Variants in NKX6-1 observed in about 807,000 individuals in gnomAD.
NKX6-1 encodes homeobox protein Nkx-6.1.
NKX6-1 carries 11 observed loss-of-function variants against 24.9 expected under a neutral mutation model. The observed-to-expected ratio is 0.44, with a 90% CI of 0.28 to 0.73. The LOEUF (loss-of-function observed/expected upper bound fraction) is 0.73, where lower values mean the gene tolerates loss of function less well. NKX6-1 is among the 30% of genes least tolerant of loss of function. The probability of loss-of-function intolerance (pLI) is 0.15; values close to 1 mark genes in which losing one functional copy is unlikely to be tolerated. For missense variants in NKX6-1, 487 were observed against 502.9 expected (o/e 0.97, Z 0.30); for synonymous variants, 277 against 242.9 (o/e 1.14, Z -1.31).
In NKX6-1 at chr4:84,493,607, A is replaced by C; in HGVS notation, c.844-58T>G. 1 of 1,590,786 alleles carries C rather than the reference A, an allele frequency of 6.3e-7. No homozygotes were observed. Among genetic ancestry groups the C allele is most frequent in the Non-Finnish European group, 8.6e-7 (1 of 1,165,264 alleles). On this transcript the variant is annotated intron_variant, in intron 2 of 2. Coordinates refer to ENST00000295886, the MANE Select transcript of NKX6-1 (RefSeq NM_006168.3). This position sits in a 1 kb window ranked among gnomAD's most constrained non-coding sequence, Gnocchi z 5.1. Reference sequence around the variant, plus strand: ...CAAGGGCGAGGAATTAAACGAGCAGATCCAGGCCATGCTACCACTCCCGCA... The same window carrying C: ...CAAGGGCGAGGAATTAAACGAGCAGCTCCAGGCCATGCTACCACTCCCGCA...
chr4:84,497,683 C>G lies in NKX6-1; in HGVS notation c.546G>C (p.Ala182=). ...PPGLYFSPSA[A]AVAAVGRYPK... is the part of the protein sequence containing the mutation. ...GGTACCGGCCCACGGCGGCCACGGC[C>G]GCGGCGCTGGGGCTGAAGTAGAGCC... Residue 182 remains alanine (A), a synonymous_variant, in exon 1 of 3, where the codon GCG becomes GCC. Transcript: ENST00000295886. The surrounding 1 kb of genome is among the most constrained non-coding windows in gnomAD (Gnocchi z 4.8). 1 of 1,271,624 alleles carries G rather than the reference C, an allele frequency of 7.9e-7. No individual in the cohort carries two copies. Among genetic ancestry groups the G allele is most frequent in the Non-Finnish European group, 1.0e-6 (1 of 1,004,896 alleles). The allele number at this position is 1,271,624 out of a possible 1,614,324, so 78.8% of individuals were successfully genotyped here. A position where few individuals can be genotyped will look rare whatever the true frequency, so the allele number is the denominator to read the frequency against.
rs1292084503 is a variant in NKX6-1, at chr4:84,493,858, G to C, written c.844-309C>G. 6.6e-6 allele frequency among the ~76,000 whole-genome samples: 1 copy of C among 152,176 alleles called. No individual in the cohort carries two copies. Among genetic ancestry groups the C allele is most frequent in the Admixed American group, 6.5e-5 (1 of 15,286 alleles). ...AAAACTCGGAAACTTAAAAATGAGC[G>C]TCCCTAAAAGTGAGTTCACTTTCCT... On this transcript the variant is annotated intron_variant, in intron 2 of 2. Coordinates refer to ENST00000295886, the MANE Select transcript of NKX6-1 (RefSeq NM_006168.3). This position sits in a 1 kb window ranked among gnomAD's most constrained non-coding sequence, Gnocchi z 5.1.
intron 1 of NKX6-1, chr4:84,496,853 GC>G: frequency 6.5e-6 from 1 of 152,786 alleles, no homozygotes; most frequent in Non-Finnish European, 1.5e-5. Context: ...GCGTGTGCCA[GC>G]CCCCAGAGTG....
chr4:84,493,239 G>A lies in NKX6-1; in HGVS notation c.*50C>T. On this transcript the variant is annotated 3_prime_UTR_variant, in exon 3 of 3. Transcript: ENST00000295886. This position sits in a 1 kb window ranked among gnomAD's most constrained non-coding sequence, Gnocchi z 5.1. ...TGCACGCGGTCCCCGCGCCCCTCGC[G>A]GCCCCAGAGGTGGAGGCCGGAGCCG... is the stretch of plus-strand genomic sequence containing the variant. The A allele has an allele frequency of 1.4e-6, 2 of 1,442,106 alleles. No homozygotes were observed. The highest frequency in any genetic ancestry group is 1.5e-5 in the African/African-American group (1 of 67,496). The allele number at this position is 1,442,106 out of a possible 1,614,324, so 89.3% of individuals were successfully genotyped here.
rs750917411 is a variant in NKX6-1, at chr4:84,498,246, G to T, written c.-18C>A. The T allele has an allele frequency of 1.5e-6, 2 of 1,293,732 alleles. No individual in the cohort carries two copies. The highest frequency in any genetic ancestry group is 3.1e-5 in the Admixed American group (1 of 32,626). 80.1% of individuals were successfully genotyped at this position (1,293,732 alleles called of 1,614,324 possible). On this transcript the variant is annotated 5_prime_UTR_variant, in exon 1 of 3. Coordinates refer to ENST00000295886, the MANE Select transcript of NKX6-1 (RefSeq NM_006168.3). ...GCTAACATCCCACGGCCACGCCGGA[G>T]ACCGTAGCCTTGCAGCGAGGGCGCT... is the stretch of plus-strand genomic sequence containing the variant.
At chr4:84,494,358 T>C (rs897310227) in intron 2 of NKX6-1, among the ~76,000 whole-genome samples, 1 of 152,224 alleles carries the variant, frequency 6.6e-6, no homozygotes, top group African/African-American at 2.4e-5. Flanking sequence ...TTTAACTGTG[T>C]TCCTGCTCAA....
rs1720836536 is a variant in NKX6-1, at chr4:84,497,171, C to T, written c.670+388G>A. Among the ~76,000 whole-genome samples, 1 of 152,058 alleles carries T rather than the reference C, an allele frequency of 6.6e-6. No homozygotes were observed. The highest frequency in any genetic ancestry group is 2.4e-5 in the African/African-American group (1 of 41,408). On this transcript the variant is annotated intron_variant, in intron 1 of 2. Coordinates refer to ENST00000295886, the MANE Select transcript of NKX6-1 (RefSeq NM_006168.3). This position sits in a 1 kb window ranked among gnomAD's most constrained non-coding sequence, Gnocchi z 4.8. Reference sequence around the variant, plus strand: ...AGCCGGGAAAGCAGAGATGCAGTGGCCTCTCCTCCCCTCTCCTCCCCATCT... The same window carrying T: ...AGCCGGGAAAGCAGAGATGCAGTGGTCTCTCCTCCCCTCTCCTCCCCATCT...
rs1027811910 is a variant in NKX6-1 at position 84,498,675 on chromosome 4, G to A, written c.-447C>T. 8.4e-4 allele frequency among the ~76,000 whole-genome samples: 128 copies of A among 152,340 alleles called. No individual in the cohort carries two copies. Among genetic ancestry groups the A allele is most frequent in the Middle Eastern group, 6.8e-3 (2 of 294 alleles). On this transcript the variant is annotated 5_prime_UTR_variant, in exon 1 of 3. Coordinates refer to ENST00000295886, the MANE Select transcript of NKX6-1 (RefSeq NM_006168.3). ...CACTTTGAAGTTGGAGGGTGGGGGT[G>A]GCTTGCTTTCTTTGGGGAGGTTCAA...
In NKX6-1 at chr4:84,497,935, G is replaced by A; in HGVS notation, c.294C>T (p.Ile98=). 1 of 1,301,642 alleles carries A rather than the reference G, an allele frequency of 7.7e-7. No homozygotes were observed. 80.6% of individuals were successfully genotyped at this position (1,301,642 alleles called of 1,614,324 possible). The change falls in exon 1 of 3, where the codon ATC becomes ATT. Residue 98 remains isoleucine (I), a synonymous_variant. Coordinates refer to ENST00000295886, the MANE Select transcript of NKX6-1 (RefSeq NM_006168.3). The surrounding 1 kb of genome is among the most constrained non-coding windows in gnomAD (Gnocchi z 4.8). ...QQLSAATPHG[I]NDILSRPSMP... ...TGGAGGGCCGGCTCAGGATATCGTT[G>A]ATGCCGTGTGGGGTGGCGGCCGAGA...
Position 84,497,878 on chromosome 4 carries a change from G to T in NKX6-1, c.351C>A (p.Ser117=). ...AGGAGGAGGAACCGGAGGGCGAGGCGGAGGGCAGGGCGGCCCCCGAGGCCA... is the reference window on the plus strand; with the variant it reads ...AGGAGGAGGAACCGGAGGGCGAGGCTGAGGGCAGGGCGGCCCCCGAGGCCA... ...MPVASGAALP[S]ASPSGSSSSS... The change falls in exon 1 of 3, where the codon TCC becomes TCA. Residue 117 remains serine (S), a synonymous_variant. Transcript: ENST00000295886. The surrounding 1 kb of genome is among the most constrained non-coding windows in gnomAD (Gnocchi z 4.8). 7.8e-7 allele frequency: 1 copy of T among 1,279,518 alleles called. No homozygotes were observed. Among genetic ancestry groups the T allele is most frequent in the Admixed American group, 3.7e-5 (1 of 27,326 alleles). 79.3% of individuals were successfully genotyped at this position (1,279,518 alleles called of 1,614,324 possible).
Position 84,498,320 on chromosome 4 carries a change from C to G in NKX6-1, c.-92G>C, listed in dbSNP as rs1225480314. 1 of 1,249,722 alleles carries G rather than the reference C, an allele frequency of 8.0e-7. No homozygotes were observed. The highest frequency in any genetic ancestry group is 1.0e-6 in the Non-Finnish European group (1 of 995,294). The allele number at this position is 1,249,722 out of a possible 1,614,324, so 77.4% of individuals were successfully genotyped here. ...AGAGGAGCCGGAAGCGCCGAGGGCG[C>G]GAGCGGAGAGGCACTCGGCGCGCCC... On this transcript the variant is annotated 5_prime_UTR_variant, in exon 1 of 3. Coordinates refer to ENST00000295886, the MANE Select transcript of NKX6-1 (RefSeq NM_006168.3).
chr4:84,493,871 A>C lies in NKX6-1; in HGVS notation c.844-322T>G, dbSNP rs1334300675. On this transcript the variant is annotated intron_variant, in intron 2 of 2. Coordinates refer to ENST00000295886, the MANE Select transcript of NKX6-1 (RefSeq NM_006168.3). This position sits in a 1 kb window ranked among gnomAD's most constrained non-coding sequence, Gnocchi z 5.1. Reference sequence around the variant, plus strand: ...TTAAAAATGAGCGTCCCTAAAAGTGAGTTCACTTTCCTGCCTTCCAGTTTG... The same window carrying C: ...TTAAAAATGAGCGTCCCTAAAAGTGCGTTCACTTTCCTGCCTTCCAGTTTG... Among the ~76,000 whole-genome samples the C allele has an allele frequency of 6.6e-6, 1 of 152,340 alleles. No homozygotes were observed. The highest frequency in any genetic ancestry group is 1.5e-5 in the Non-Finnish European group (1 of 68,022).
At position 84,492,585 on chromosome 4, in the gene NKX6-1, CT is replaced by C. The variant is rs1291751731; in HGVS notation, c.*703del. ...AGGGGACGGAGAAGGTGGGGACATTCTATTCTACGCTTCTCAAATTAAGTTC... is the reference window on the plus strand; with the variant it reads ...AGGGGACGGAGAAGGTGGGGACATTCATTCTACGCTTCTCAAATTAAGTTC... On this transcript the variant is annotated 3_prime_UTR_variant, in exon 3 of 3. Coordinates refer to ENST00000295886, the MANE Select transcript of NKX6-1 (RefSeq NM_006168.3). 1.3e-5 allele frequency: 2 copies of C among 152,146 alleles called. No individual in the cohort carries two copies. The highest frequency in any genetic ancestry group is 3.8e-4 in the East Asian group (2 of 5,198). The allele number at this position is 152,146 out of a possible 1,614,324, so 9.4% of individuals were successfully genotyped here. A position where few individuals can be genotyped will look rare whatever the true frequency, so the allele number is the denominator to read the frequency against.
chr4:84,493,231 C>T lies in NKX6-1; in HGVS notation c.*58G>A. On this transcript the variant is annotated 3_prime_UTR_variant, in exon 3 of 3. Transcript: ENST00000295886. This position sits in a 1 kb window ranked among gnomAD's most constrained non-coding sequence, Gnocchi z 5.1. ...GCGCGGCGTGCACGCGGTCCCCGCGCCCCTCGCGGCCCCAGAGGTGGAGGC... is the reference window on the plus strand; with the variant it reads ...GCGCGGCGTGCACGCGGTCCCCGCGTCCCTCGCGGCCCCAGAGGTGGAGGC... 1 of 1,414,060 alleles carries T rather than the reference C, an allele frequency of 7.1e-7. No individual in the cohort carries two copies. Among genetic ancestry groups the T allele is most frequent in the South Asian group, 1.6e-5 (1 of 63,170 alleles). The allele number at this position is 1,414,060 out of a possible 1,614,324, so 87.6% of individuals were successfully genotyped here.
chr4:84,498,481 A>G lies in NKX6-1; in HGVS notation c.-253T>C. 1 of 393,952 alleles carries G rather than the reference A, an allele frequency of 2.5e-6. No individual in the cohort carries two copies. Among genetic ancestry groups the G allele is most frequent in the East Asian group, 3.6e-5 (1 of 27,590 alleles). 24.4% of individuals were successfully genotyped at this position (393,952 alleles called of 1,614,324 possible). On this transcript the variant is annotated 5_prime_UTR_variant, in exon 1 of 3. Transcript: ENST00000295886. ...AAGCAGGCGTCCCGGCGGGCTAGGCAGTCCTTTCGTTCCGCGAGTCCTAGA... is the reference window on the plus strand; with the variant it reads ...AAGCAGGCGTCCCGGCGGGCTAGGCGGTCCTTTCGTTCCGCGAGTCCTAGA...
rs1022225437 is a variant in NKX6-1 at position 84,498,114 on chromosome 4, C to T, written c.115G>A (p.Ala39Thr). Residue 39 changes from alanine to threonine, a missense_variant, in exon 1 of 3, where the codon GCG (alanine) becomes ACG (threonine). Physicochemically the swap from Ala to Thr is moderately conservative, Grantham distance 58. Around this residue, in one of 3 missense-constraint regions of NKX6-1, gnomAD observed 316 missense variants for 311.4 expected, o/e 1.01. Coordinates refer to ENST00000295886, the MANE Select transcript of NKX6-1 (RefSeq NM_006168.3). ...AEMKTPLYPA[A>T]YPPLPAGPPS... The stretch of plus-strand genomic sequence containing the variant: ...GGGCCGGCAGGCAGCGGGGGATACG[C>T]GGCAGGGTACAGCGGGGTCTTCATC... The T allele has an allele frequency of 7.8e-6, 10 of 1,281,228 alleles. No individual in the cohort carries two copies. The South Asian group carries it at 9.8e-5, about 13-fold the overall frequency. 79.4% of individuals were successfully genotyped at this position (1,281,228 alleles called of 1,614,324 possible). A position where few individuals can be genotyped will look rare whatever the true frequency, so the allele number is the denominator to read the frequency against.
chr4:84,493,175 C>A lies in NKX6-1; in HGVS notation c.*114G>T. 2 of 974,014 alleles carry A rather than the reference C, an allele frequency of 2.1e-6. No individual in the cohort carries two copies. Among genetic ancestry groups the A allele is most frequent in the Non-Finnish European group, 2.8e-6 (2 of 725,896 alleles). 60.3% of individuals were successfully genotyped at this position (974,014 alleles called of 1,614,324 possible). ...TAGCAAAGGGTCCCCGCAGGCAGGGCCGGGTCCTCCGGGCCCCGAGGAGCG... is the reference window on the plus strand; with the variant it reads ...TAGCAAAGGGTCCCCGCAGGCAGGGACGGGTCCTCCGGGCCCCGAGGAGCG... On this transcript the variant is annotated 3_prime_UTR_variant, in exon 3 of 3. Coordinates refer to ENST00000295886, the MANE Select transcript of NKX6-1 (RefSeq NM_006168.3). The surrounding 1 kb of genome is among the most constrained non-coding windows in gnomAD (Gnocchi z 5.1).
At position 84,492,645 on chromosome 4, in the gene NKX6-1, T is replaced by G. The variant is rs1720746593; in HGVS notation, c.*644A>C. The G allele has an allele frequency of 6.6e-6, 1 of 152,236 alleles. No homozygotes were observed. The highest frequency in any genetic ancestry group is 2.4e-5 in the African/African-American group (1 of 41,460). The allele number at this position is 152,236 out of a possible 1,614,324, so 9.4% of individuals were successfully genotyped here. A position where few individuals can be genotyped will look rare whatever the true frequency, so the allele number is the denominator to read the frequency against. ...AGGGAAGGTGTGGCTTGAGTCGCTC[T>G]TCAAAGGGGAGGAGGAGAAGGAAGA... is the stretch of plus-strand genomic sequence containing the variant. On this transcript the variant is annotated 3_prime_UTR_variant, in exon 3 of 3. Transcript: ENST00000295886.
At position 84,498,419 on chromosome 4, in the gene NKX6-1, C is replaced by T. The variant is rs1015026127; in HGVS notation, c.-191G>A. 1 of 526,454 alleles carries T rather than the reference C, an allele frequency of 1.9e-6. No homozygotes were observed. Among genetic ancestry groups the T allele is most frequent in the Admixed American group, 4.4e-5 (1 of 22,826 alleles). The allele number at this position is 526,454 out of a possible 1,614,324, so 32.6% of individuals were successfully genotyped here. ...CGCCTAGCTGCGCAGCAGAGATGTC[C>T]AAACCCTCCACGCGGGAGGCGGCAG... On this transcript the variant is annotated 5_prime_UTR_variant, in exon 1 of 3. Transcript: ENST00000295886.
Sources: gnomAD v4.1 joint callset for allele counts (sites outside exome capture counted in the v4.1 genomes callset) on GRCh38, gnomAD v4.1.1 for gene constraint, gnomAD v4.1.1 regional missense constraint, Gnocchi (gnomAD v3.1) non-coding constraint, MANE v1.5 for transcripts, NCBI Gene and HGNC (gene_info 2026-07-23, HGNC 2026-07-21) for gene names.